The following GAREM1 variants were observed in gnomAD, a reference collection of about 807,000 sequenced individuals.
The protein encoded by GAREM1 is GRB2-associated and regulator of MAPK protein 1.
Under a neutral mutation model 71.3 loss-of-function variants are expected in GAREM1, and 26 were observed. That is an observed-to-expected ratio of 0.36 (90% CI 0.27 to 0.51). GAREM1 has a LOEUF of 0.51. Ranked by LOEUF, GAREM1 falls within the 20% of genes least tolerant of loss-of-function variation. GAREM1 has a pLI of 0.95. For synonymous variants in GAREM1, 440 were observed against 433.2 expected, an observed-to-expected ratio of 1.02 and a Z score of -0.20; for missense variants, 1,026 against 1,103.1, an observed-to-expected ratio of 0.93 and a Z score of 0.99.
intron 2 of GAREM1, among the ~76,000 whole-genome samples, chr18:32,319,294 A>C (rs1477882069): frequency 6.6e-6 from 1 of 152,208 alleles, no homozygotes; most frequent in African/African-American, 2.4e-5. Flanking sequence ...TCAATAAGTA[A>C]ATAAACCTGG....
In GAREM1 at chr18:32,284,752, C is replaced by CTTTT. The variant is rs34946592; in HGVS notation, c.1566+2275_1566+2278dup. On this transcript the variant is annotated intron_variant, in intron 4 of 5. Transcript: ENST00000269209. ...ACTTGTTTGGAGGGGTGCCCCCTTA[C>CTTTT]TTTTTTTTTTTTTTTTTGAGACAGT... Among the ~76,000 whole-genome samples, 989 of 121,188 alleles carry CTTTT rather than the reference C, an allele frequency of 8.2e-3. 18 individuals are homozygous for CTTTT. The highest frequency in any genetic ancestry group is 0.034 in the African/African-American group (952 of 28,248). 79.5% of individuals were successfully genotyped at this position (121,188 alleles called of 152,430 possible).
At chr18:32,429,563 G>A (rs1312278366) in intron 1 of GAREM1, among the ~76,000 whole-genome samples, 1 of 152,096 alleles carries the variant, frequency 6.6e-6, no homozygotes, top group African/African-American at 2.4e-5. Context: ...TTGCTACCAC[G>A]ATATTTTTGA....
chr18:32,398,637 T>C (rs549106143), intron 1 of GAREM1, among the ~76,000 whole-genome samples: 6 of 152,264 alleles, frequency 3.9e-5, no homozygotes, highest in African/African-American at 1.4e-4. Context: ...AATCCCTGAA[T>C]AGACCAATAA....
chr18:32,314,944 T>G (rs1020178589), intron 2 of GAREM1, among the ~76,000 whole-genome samples: 5 of 152,192 alleles, frequency 3.3e-5, no homozygotes, highest in African/African-American at 4.8e-5. Flanking sequence ...AAGCTATCAT[T>G]AAGCCAGGTA....
rs753952972 is a variant in GAREM1, at chr18:32,270,295, C to T, written c.1655G>A (p.Arg552His). Residue 552 changes from arginine to histidine, a missense_variant, in exon 5 of 6, where the codon CGC (arginine) becomes CAC (histidine). Physicochemically the swap from Arg to His is conservative, Grantham distance 29 (BLOSUM62 0). This residue lies in a region of GAREM1 where 636 missense variants were observed against 631.2 expected (regional missense o/e 1.01). Coordinates refer to ENST00000269209, the MANE Select transcript of GAREM1 (RefSeq NM_001242409.2). ...CTGTTGCCGCGCTGGCTTGACTGTG[C>T]GAGGAGGGATGGAGGGACTGGTGGA... ...PLSTSPSIPP[R>H]TVKPARQQTR... 7.4e-6 allele frequency: 12 copies of T among 1,613,802 alleles called. No homozygotes were observed. The highest frequency in any genetic ancestry group is 1.7e-5 in the Admixed American group (1 of 59,972).
At chr18:32,318,210 T>C (rs2047398443) in intron 2 of GAREM1, among the ~76,000 whole-genome samples, 1 of 152,202 alleles carries the variant, frequency 6.6e-6, no homozygotes, top group Non-Finnish European at 1.5e-5. Flanking sequence ...AAAGCAAAGA[T>C]GGAAGCTATA....
At position 32,310,297 on chromosome 18, in the gene GAREM1, G is replaced by C. The variant is rs1385576686; in HGVS notation, c.289C>G (p.Arg97Gly). 9 of 1,613,926 alleles carry C rather than the reference G, an allele frequency of 5.6e-6. No individual in the cohort carries two copies. Among genetic ancestry groups the C allele is most frequent in the Admixed American group, 1.7e-5 (1 of 59,980 alleles). Residue 97 changes from arginine (R) to glycine (G), a missense_variant, in exon 3 of 6, where the codon CGA (arginine) becomes GGA (glycine). Transcript: ENST00000269209. ...AGQFKLLEQDRDIKEPVQYFN... is the reference protein window; with the variant it reads ...AGQFKLLEQDGDIKEPVQYFN... ...TATTGCACTGGCTCCTTTATATCTC[G>C]GTCTTGTTCCAGCAGCTTGAATTGC...
At chr18:32,310,171 T>G in intron 3 of GAREM1, 22 bp downstream of exon 3, 1 of 1,612,766 alleles carries the variant, frequency 6.2e-7, no homozygotes, top group Non-Finnish European at 8.5e-7. Flanking sequence ...GTATAAATAT[T>G]TGGTGCTTCA....
At chr18:32,452,445 C>T (rs2048849456) in intron 1 of GAREM1, among the ~76,000 whole-genome samples, 1 of 152,164 alleles carries the variant, frequency 6.6e-6, no homozygotes, top group African/African-American at 2.4e-5. Context: ...GTCAGGCCAC[C>T]ATTCCCTCTT....
At position 32,268,653 on chromosome 18, in the gene GAREM1, CAGA is replaced by C. The variant is rs1426050575; in HGVS notation, c.1846_1848del (p.Ser616del). 1 of 1,614,184 alleles carries C rather than the reference CAGA, an allele frequency of 6.2e-7. No homozygotes were observed. Among genetic ancestry groups the C allele is most frequent in the Non-Finnish European group, 8.5e-7 (1 of 1,180,036 alleles). ...GAGAGCCGAGAGGACACAGCTTCAG[CAGA>C]AGGACTTCCAAACGGGGATTTCAGG... On this transcript the variant is annotated inframe_deletion, in exon 6 of 6. Coordinates refer to ENST00000269209, the MANE Select transcript of GAREM1 (RefSeq NM_001242409.2).
chr18:32,468,052 GCAGACTGATACTAT>G (rs2049014958), intron 1 of GAREM1, among the ~76,000 whole-genome samples: 1 of 152,162 alleles, frequency 6.6e-6, no homozygotes, highest in Non-Finnish European at 1.5e-5. Context: ...CAGGATGTGG[GCAGACTGATACTAT>G]CACAATGCTC....
At chr18:32,412,074 G>A in intron 1 of GAREM1, 2 of 709,168 alleles carry the variant, frequency 2.8e-6, no homozygotes, top group South Asian at 1.5e-5. Context: ...ATACACATGA[G>A]TATTTGTCTA....
Position 32,270,345 on chromosome 18 carries a change from A to C in GAREM1, c.1605T>G (p.Val535=). Residue 535 remains valine (V), a synonymous_variant, in exon 5 of 6, where the codon GTT becomes GTG. Transcript: ENST00000269209. ...EECRLLNAPP[V]PPRSAKPLST... is the part of the protein sequence containing the mutation. ...ACAAAGGCTTTGCGCTTCGGGGTGG[A>C]ACAGGTGGGGCGTTCAGGAGCCGGC... 1 of 1,613,890 alleles carries C rather than the reference A, an allele frequency of 6.2e-7. No individual in the cohort carries two copies. Among genetic ancestry groups the C allele is most frequent in the Non-Finnish European group, 8.5e-7 (1 of 1,179,940 alleles).
At chr18:32,339,479 G>T (rs2047628372) in intron 2 of GAREM1, among the ~76,000 whole-genome samples, 1 of 152,176 alleles carries the variant, frequency 6.6e-6, no homozygotes, top group Non-Finnish European at 1.5e-5. Flanking sequence ...AGAAAATGTG[G>T]AATCCTTATA....
At chr18:32,396,670 C>T (rs944373632) in intron 1 of GAREM1, among the ~76,000 whole-genome samples, 2 of 152,180 alleles carry the variant, frequency 1.3e-5, no homozygotes, top group South Asian at 2.1e-4. Flanking sequence ...AAGACCAAAT[C>T]TACGTCTGAT....
intron 2 of GAREM1, among the ~76,000 whole-genome samples, chr18:32,341,565 C>T (rs945919950): frequency 1.3e-5 from 2 of 152,172 alleles, no homozygotes; most frequent in African/African-American, 2.4e-5. Flanking sequence ...CTATCTTCCA[C>T]AATGGTTGAA....
intron 1 of GAREM1, among the ~76,000 whole-genome samples, chr18:32,397,200 G>A (rs1599018101): frequency 6.6e-6 from 1 of 152,156 alleles, no homozygotes; most frequent in South Asian, 2.1e-4. Context: ...GCAAAAACAT[G>A]CCAAATTGTA....
chr18:32,462,044 T>A (rs1034125244), intron 1 of GAREM1, among the ~76,000 whole-genome samples: 6 of 152,250 alleles, frequency 3.9e-5, no homozygotes, highest in African/African-American at 1.4e-4. Context: ...CCAGTTTTCC[T>A]TTCAGAAATG....
intron 1 of GAREM1, among the ~76,000 whole-genome samples, chr18:32,431,503 C>G (rs1599043005): frequency 6.6e-6 from 1 of 152,210 alleles, no homozygotes; most frequent in East Asian, 1.9e-4. Context: ...TGGTGCACAA[C>G]TGTAATCCCA....
Sources: gnomAD v4.1 joint callset for allele counts (sites outside exome capture counted in the v4.1 genomes callset) on GRCh38, gnomAD v4.1.1 for gene constraint, gnomAD v4.1.1 regional missense constraint, MANE v1.5 for transcripts, NCBI Gene and HGNC (gene_info 2026-07-23, HGNC 2026-07-21) for gene names.